Variants in BAZ2B observed in about 807,000 individuals in gnomAD.
The protein encoded by BAZ2B is bromodomain adjacent to zinc finger domain protein 2B.
BAZ2B carries 91 observed loss-of-function variants against 246.0 expected under a neutral mutation model. The observed-to-expected ratio is 0.37, with a 90% CI of 0.31 to 0.44. The LOEUF is 0.44. Ranked by LOEUF, BAZ2B falls within the 20% of genes least tolerant of loss-of-function variation. BAZ2B has a pLI of 1.00. For synonymous variants in BAZ2B, 855 were observed against 860.0 expected (o/e 0.99, Z 0.10); for missense variants, 2,332 against 2,533.7 (o/e 0.92, Z 1.71).
At chr2:159,558,206 T>G (rs752195522) in intron 1 of BAZ2B, among the ~76,000 whole-genome samples, 5 of 152,164 alleles carry the variant, frequency 3.3e-5, no homozygotes, top group African/African-American at 1.2e-4. Context: ...AGTGTCACCA[T>G]AGGCCATTCA....
intron 25 of BAZ2B, among the ~76,000 whole-genome samples, chr2:159,377,871 C>A (rs2061588209): frequency 6.8e-6 from 1 of 146,020 alleles, no homozygotes; most frequent in Non-Finnish European, 1.5e-5. Context: ...TCCTTTAAAA[C>A]TTTAATAATG....
intron 1 of BAZ2B, among the ~76,000 whole-genome samples, chr2:159,607,713 C>T (rs901975522): frequency 2.0e-5 from 3 of 152,162 alleles, no homozygotes; most frequent in African/African-American, 7.2e-5. Context: ...TAGGCTTATG[C>T]AGTCCTTCTT....
chr2:159,571,602 C>T (rs976776155), intron 1 of BAZ2B, among the ~76,000 whole-genome samples: 1 of 152,178 alleles, frequency 6.6e-6, no homozygotes, highest in African/African-American at 2.4e-5. Flanking sequence ...AGGGGCTGAA[C>T]ACTGAGTTCA....
At chr2:159,674,813 A>G in the BAZ2B span, among the ~76,000 whole-genome samples, 1 of 152,192 alleles carries the variant, frequency 6.6e-6, no homozygotes, top group Non-Finnish European at 1.5e-5. Flanking sequence ...AGCCATATAG[A>G]ACAAGGAAAA....
intron 2 of BAZ2B, among the ~76,000 whole-genome samples, chr2:159,501,160 ATATATAATATATATTATATATATTT>A (rs1274492066): frequency 3.6e-4 from 31 of 86,732 alleles, no homozygotes; most frequent in African/African-American, 1.3e-3. Context: ...ATATATATAA[ATATATAATATATATTATATATATTT>A]ATATATAATA....
At chr2:159,476,012 C>A (rs774407920) in intron 3 of BAZ2B, among the ~76,000 whole-genome samples, 1 of 152,090 alleles carries the variant, frequency 6.6e-6, no homozygotes, top group African/African-American at 2.4e-5. Flanking sequence ...TCAGGATACA[C>A]GGGGGTCAGG....
rs150171589 is a variant in BAZ2B, at chr2:159,523,209, C to A, written c.-3+32614G>T. On this transcript the variant is annotated intron_variant, in intron 2 of 36. Transcript: ENST00000392783. ...CTTGAGGCCAGGAGTTCTAGGCCAG[C>A]CTGGGTAATAGTGAGACCTGGTCTC... is the stretch of plus-strand genomic sequence containing the variant. Among the ~76,000 whole-genome samples the A allele has an allele frequency of 6.8e-3, 1,030 of 151,988 alleles. 9 individuals are homozygous for A. Among genetic ancestry groups the A allele is most frequent in the African/African-American group, 0.024 (982 of 41,466 alleles).
intron 2 of BAZ2B, among the ~76,000 whole-genome samples, chr2:159,525,986 A>T (rs1405831630): frequency 6.6e-6 from 1 of 152,162 alleles, no homozygotes; most frequent in Non-Finnish European, 1.5e-5. Flanking sequence ...ATATTGCAAT[A>T]GTTGGTCTCC....
At chr2:159,369,137 G>A (rs1003047041) in intron 27 of BAZ2B, among the ~76,000 whole-genome samples, 5 of 152,064 alleles carry the variant, frequency 3.3e-5, no homozygotes, top group African/African-American at 1.2e-4. Context: ...TTATTAAAAG[G>A]TCCACTTAAA....
intron 31 of BAZ2B, among the ~76,000 whole-genome samples, chr2:159,346,764 T>C (rs1327298968): frequency 6.6e-6 from 1 of 152,156 alleles, no homozygotes; most frequent in Non-Finnish European, 1.5e-5. Flanking sequence ...TTTCATGCTT[T>C]TAAGGAGACC....
At chr2:159,371,806 G>A (rs1388908055) in intron 27 of BAZ2B, among the ~76,000 whole-genome samples, 1 of 152,170 alleles carries the variant, frequency 6.6e-6, no homozygotes, top group Non-Finnish European at 1.5e-5. Flanking sequence ...GGTACATAAT[G>A]TTTCTCAGCT....
At chr2:159,589,971 G>A (rs1471666016) in intron 1 of BAZ2B, among the ~76,000 whole-genome samples, 4 of 151,994 alleles carry the variant, frequency 2.6e-5, no homozygotes, top group Non-Finnish European at 5.9e-5. Context: ...CAGATCATTT[G>A]AGATCAGGAG....
At chr2:159,417,654 G>A (rs964116241) in intron 13 of BAZ2B, among the ~76,000 whole-genome samples, 3 of 152,160 alleles carry the variant, frequency 2.0e-5, no homozygotes, top group African/African-American at 7.2e-5. Flanking sequence ...ATAAGTGAAA[G>A]TACACTGTAA....
rs573750542 is a variant in BAZ2B at position 159,323,545 on chromosome 2, G to A, written c.6353+1266C>T. ...AGGCTGGGTGAGGTGGTTCACGCCT[G>A]TAATCCCAGCACTTTAGGAGGTGGA... On this transcript the variant is annotated intron_variant, in intron 36 of 36. Transcript: ENST00000392783. Among the ~76,000 whole-genome samples, 5 of 151,898 alleles carry A rather than the reference G, an allele frequency of 3.3e-5. No homozygotes were observed. In the East Asian group the frequency reaches 9.8e-4, roughly 30 times the overall value.
the BAZ2B span, among the ~76,000 whole-genome samples, chr2:159,700,701 T>G: frequency 2.2e-4 from 33 of 152,362 alleles, no homozygotes; most frequent in Non-Finnish European, 3.5e-4. Context: ...CGCTTCAGCC[T>G]CCCAAAGTGT....
At chr2:159,572,921 T>C (rs1025539151) in intron 1 of BAZ2B, among the ~76,000 whole-genome samples, 16 of 152,310 alleles carry the variant, frequency 1.1e-4, no homozygotes, top group African/African-American at 3.8e-4. Context: ...GGATTGTGTT[T>C]AATTGGAATT....
intron 19 of BAZ2B, 118 bp downstream of exon 19, chr2:159,397,227 T>A: frequency 1.6e-6 from 2 of 1,236,870 alleles, no homozygotes; most frequent in Non-Finnish European, 1.1e-6. Context: ...AGGAAAAACT[T>A]AAGCAGAAAT....
chr2:159,541,798 A>G (rs2086693707), intron 2 of BAZ2B, among the ~76,000 whole-genome samples: 1 of 152,102 alleles, frequency 6.6e-6, no homozygotes, highest in Non-Finnish European at 1.5e-5. Flanking sequence ...GTTACTGTCC[A>G]GGTTCCTCTC....
the BAZ2B span, among the ~76,000 whole-genome samples, chr2:159,633,392 G>A: frequency 6.6e-6 from 1 of 152,108 alleles, no homozygotes; most frequent in Non-Finnish European, 1.5e-5. Flanking sequence ...TTTCTGGGTA[G>A]AGACAGGCGA....
Sources: allele counts gnomAD v4.1 joint callset (sites outside exome capture counted in the v4.1 genomes callset), GRCh38; gene constraint gnomAD v4.1.1; transcripts MANE v1.5; gene names NCBI Gene and HGNC (gene_info 2026-07-23, HGNC 2026-07-21).